The following PPP1R15B variants were observed in gnomAD, a reference collection of about 807,000 sequenced individuals.
PPP1R15B encodes the protein protein phosphatase 1 regulatory subunit 15B.
In PPP1R15B, 31 loss-of-function variants were observed where a neutral mutation model predicts 53.9. That is an observed-to-expected ratio of 0.58 (90% CI 0.43 to 0.78). PPP1R15B has a LOEUF of 0.78. Among genes scored for constraint, PPP1R15B ranks in the 30% least tolerant of loss-of-function variants. The pLI is 0.00. For missense variants in PPP1R15B, 928 were observed against 849.6 expected (o/e 1.09, Z -1.15); for synonymous variants, 345 against 329.1 (o/e 1.05, Z -0.52).
downstream of PPP1R15B, among the ~76,000 whole-genome samples, chr1:204,398,139 G>T (rs1244229866): frequency 6.6e-6 from 1 of 152,162 alleles, no homozygotes; most frequent in African/African-American, 2.4e-5. Flanking sequence ...AGAAAGGAAA[G>T]AGCAAATCAC....
intron 1 of PPP1R15B, 113 bp downstream of exon 1, chr1:204,409,379 G>A (rs749761265): frequency 8.5e-7 from 1 of 1,175,234 alleles, no homozygotes. Flanking sequence ...TATGAATTTA[G>A]AGGCCTTCCT....
In PPP1R15B at chr1:204,404,995, G is replaced by A. The variant is rs534838206; in HGVS notation, c.*1097C>T. 4.1e-6 allele frequency: 4 copies of A among 985,070 alleles called. No individual in the cohort carries two copies. In the African/African-American group the frequency reaches 7.0e-5, roughly 17 times the overall value. 61.0% of individuals were successfully genotyped at this position (985,070 alleles called of 1,614,324 possible). ...TTACTTCTCTCATTATTAAATAGTA[G>A]GACACAATAAACCTGGATATTGACT... On this transcript the variant is annotated 3_prime_UTR_variant, in exon 2 of 2. Transcript: ENST00000367188.
chr1:204,408,564 C>A (rs1259073485), intron 1 of PPP1R15B, among the ~76,000 whole-genome samples: 2 of 151,738 alleles, frequency 1.3e-5, no homozygotes, highest in Non-Finnish European at 2.9e-5. Flanking sequence ...CCACTAACTT[C>A]TCTCTCCAAG....
chr1:204,402,545 C>T (rs1312655722), downstream of PPP1R15B, among the ~76,000 whole-genome samples: 3 of 151,902 alleles, frequency 2.0e-5, no homozygotes, highest in Non-Finnish European at 4.4e-5. Flanking sequence ...GTAACTGGGT[C>T]TATAGGCTAG....
rs1178145483 is a variant in PPP1R15B, at chr1:204,405,189, T to C, written c.*903A>G. 2 of 984,956 alleles carry C rather than the reference T, an allele frequency of 2.0e-6. No homozygotes were observed. Among genetic ancestry groups the C allele is most frequent in the East Asian group, 2.3e-4 (2 of 8,826 alleles). The allele number at this position is 984,956 out of a possible 1,614,324, so 61.0% of individuals were successfully genotyped here. A position where few individuals can be genotyped will look rare whatever the true frequency, so the allele number is the denominator to read the frequency against. On this transcript the variant is annotated 3_prime_UTR_variant, in exon 2 of 2. Coordinates refer to ENST00000367188, the MANE Select transcript of PPP1R15B (RefSeq NM_032833.5). ...CAAAACCAAATTGCTCTGAGATGTCTCCTATTTTCTTTCTAGGAAATTTCT... is the reference window on the plus strand; with the variant it reads ...CAAAACCAAATTGCTCTGAGATGTCCCCTATTTTCTTTCTAGGAAATTTCT...
downstream of PPP1R15B, among the ~76,000 whole-genome samples, chr1:204,400,352 T>A (rs1674155191): frequency 6.6e-6 from 1 of 152,140 alleles, no homozygotes; most frequent in African/African-American, 2.4e-5. Flanking sequence ...CTTTTTTATT[T>A]TCAACATTTT....
downstream of PPP1R15B, among the ~76,000 whole-genome samples, chr1:204,401,367 G>GT (rs1438619906): frequency 6.6e-6 from 1 of 152,170 alleles, no homozygotes; most frequent in African/African-American, 2.4e-5. Context: ...AAAGATTGGT[G>GT]TTTTGTGTTG....
downstream of PPP1R15B, among the ~76,000 whole-genome samples, chr1:204,396,167 C>T (rs1215812484): frequency 1.3e-5 from 2 of 151,994 alleles, no homozygotes; most frequent in Non-Finnish European, 2.9e-5. Flanking sequence ...CCATGCTGTA[C>T]ATCCGATACC....
At position 204,410,629 on chromosome 1, in the gene PPP1R15B, T is replaced by C; in HGVS notation, c.783A>G (p.Arg261=). The change falls in exon 1 of 2, where the codon AGA becomes AGG. Residue 261 remains arginine (R), a synonymous_variant. Coordinates refer to ENST00000367188, the MANE Select transcript of PPP1R15B (RefSeq NM_032833.5). ...QTLTPESSCL[R]EDHCHPQPLS... ...GCGGCTGGGGATGACAATGGTCCTC[T>C]CTCAGGCAGCTGCTCTCTGGGGTTA... is the stretch of plus-strand genomic sequence containing the variant. 1.2e-6 allele frequency: 2 copies of C among 1,614,032 alleles called. No individual in the cohort carries two copies. The highest frequency in any genetic ancestry group is 1.1e-5 in the South Asian group (1 of 91,050).
Position 204,411,537 on chromosome 1 carries a change from C to A in PPP1R15B, c.-126G>T, listed in dbSNP as rs1572259109. ...GGTGGCGTCGCTGCTCCAGGCCGAT[C>A]TTCGAGCCAGCAGAAAAGCCACAGA... On this transcript the variant is annotated 5_prime_UTR_variant, in exon 1 of 2. Transcript: ENST00000367188. The A allele has an allele frequency of 3.8e-6, 5 of 1,314,906 alleles. No individual in the cohort carries two copies. The East Asian group carries it at 1.2e-4, about 30-fold the overall frequency. The allele number at this position is 1,314,906 out of a possible 1,614,324, so 81.5% of individuals were successfully genotyped here. A position where few individuals can be genotyped will look rare whatever the true frequency, so the allele number is the denominator to read the frequency against.
downstream of PPP1R15B, among the ~76,000 whole-genome samples, chr1:204,400,055 G>A (rs758896039): frequency 5.3e-5 from 8 of 151,868 alleles, no homozygotes; most frequent in Non-Finnish European, 8.8e-5. Context: ...AGACCAGCCC[G>A]GGCAACATAG....
chr1:204,403,988 A>G lies in PPP1R15B; in HGVS notation c.*2104T>C. On this transcript the variant is annotated 3_prime_UTR_variant, in exon 2 of 2. Transcript: ENST00000367188. ...GAAAGATGTCTCATTATTTTCAAAT[A>G]CACAGAGGTGCTAGGTTTAAGAAAC... 1.0e-6 allele frequency: 1 copy of G among 985,454 alleles called. No individual in the cohort carries two copies. The highest frequency in any genetic ancestry group is 1.2e-6 in the Non-Finnish European group (1 of 829,928). 61.0% of individuals were successfully genotyped at this position (985,454 alleles called of 1,614,324 possible).
At chr1:204,397,246 CAGGCGTGATGGCTCACGCCT>C, downstream of PPP1R15B, among the ~76,000 whole-genome samples, 1 of 151,582 alleles carries the variant, frequency 6.6e-6, no homozygotes, top group Non-Finnish European at 1.5e-5. Flanking sequence ...ATAAAAAGCC[CAGGCGTGATGGCTCACGCCT>C]GTAATCCCAG....
chr1:204,402,219 TATCTTA>T (rs1200481153), downstream of PPP1R15B, among the ~76,000 whole-genome samples: 1 of 152,220 alleles, frequency 6.6e-6, no homozygotes, highest in African/African-American at 2.4e-5. Context: ...TTCAGAAATA[TATCTTA>T]ATAACTTTTC....
chr1:204,405,491 C>T lies in PPP1R15B; in HGVS notation c.*601G>A. 1 of 983,298 alleles carries T rather than the reference C, an allele frequency of 1.0e-6. No individual in the cohort carries two copies. Among genetic ancestry groups the T allele is most frequent in the Non-Finnish European group, 1.2e-6 (1 of 828,472 alleles). The allele number at this position is 983,298 out of a possible 1,614,324, so 60.9% of individuals were successfully genotyped here. On this transcript the variant is annotated 3_prime_UTR_variant, in exon 2 of 2. Coordinates refer to ENST00000367188, the MANE Select transcript of PPP1R15B (RefSeq NM_032833.5). ...AGAACTTAATGTAGAAATAAAAAGG[C>T]TACCACATATTTTCAATCCAAGTCA...
In PPP1R15B at chr1:204,405,687, C is replaced by G; in HGVS notation, c.*405G>C. 1 of 985,072 alleles carries G rather than the reference C, an allele frequency of 1.0e-6. No individual in the cohort carries two copies. Among genetic ancestry groups the G allele is most frequent in the Non-Finnish European group, 1.2e-6 (1 of 828,834 alleles). The allele number at this position is 985,072 out of a possible 1,614,324, so 61.0% of individuals were successfully genotyped here. ...ATTTTGGGAAAGAAACAAGAAAGAG[C>G]CCAAAGTTTTCAGATAGGCACACAT... is the stretch of plus-strand genomic sequence containing the variant. On this transcript the variant is annotated 3_prime_UTR_variant, in exon 2 of 2. Coordinates refer to ENST00000367188, the MANE Select transcript of PPP1R15B (RefSeq NM_032833.5).
chr1:204,410,241 G>C lies in PPP1R15B; in HGVS notation c.1171C>G (p.Pro391Ala). Residue 391 changes from proline to alanine, a missense_variant, in exon 1 of 2, where the codon CCT becomes GCT. Coordinates refer to ENST00000367188, the MANE Select transcript of PPP1R15B (RefSeq NM_032833.5). ...CCCTCTCCAGGCTCCTTTTCCATAGGTATCTCACTAGATGGACAGCCCTCA... is the reference window on the plus strand; with the variant it reads ...CCCTCTCCAGGCTCCTTTTCCATAGCTATCTCACTAGATGGACAGCCCTCA... The part of the protein sequence containing the change: ...PSEGCPSSEI[P>A]MEKEPGEGRI... 6.2e-7 allele frequency: 1 copy of C among 1,614,104 alleles called. No individual in the cohort carries two copies. The highest frequency in any genetic ancestry group is 8.5e-7 in the Non-Finnish European group (1 of 1,180,032).
rs1674352223 is a variant in PPP1R15B, at chr1:204,410,622, G to A, written c.790C>T (p.His264Tyr). Reference sequence around the variant, plus strand: ...GCACTCAGCGGCTGGGGATGACAATGGTCCTCTCTCAGGCAGCTGCTCTCT... The same window carrying A: ...GCACTCAGCGGCTGGGGATGACAATAGTCCTCTCTCAGGCAGCTGCTCTCT... ...TPESSCLRED[H>Y]CHPQPLSAEL... The change falls in exon 1 of 2, where the codon CAT becomes TAT. Residue 264 changes from histidine to tyrosine, a missense_variant. Coordinates refer to ENST00000367188, the MANE Select transcript of PPP1R15B (RefSeq NM_032833.5). The A allele has an allele frequency of 1.2e-6, 2 of 1,613,900 alleles. No individual in the cohort carries two copies. The highest frequency in any genetic ancestry group is 1.7e-5 in the Admixed American group (1 of 59,992).
chr1:204,398,459 C>A (rs912282390), downstream of PPP1R15B, among the ~76,000 whole-genome samples: 6 of 152,104 alleles, frequency 3.9e-5, no homozygotes, highest in African/African-American at 1.4e-4. Flanking sequence ...CCAGCCTAGG[C>A]CTGGGCGACA....
Sources: allele counts gnomAD v4.1 joint callset (sites outside exome capture counted in the v4.1 genomes callset), GRCh38; gene constraint gnomAD v4.1.1; transcripts MANE v1.5; gene names NCBI Gene and HGNC (gene_info 2026-07-23, HGNC 2026-07-21).